LRRC7: variants seen among roughly 807,000 people sequenced by gnomAD.
LRRC7 encodes leucine-rich repeat-containing protein 7.
A neutral mutation model predicts 175.7 loss-of-function variants in LRRC7; 23 were observed. The observed-to-expected ratio is 0.13, with a 90% CI of 0.09 to 0.19. LRRC7 has a LOEUF of 0.19. Ranked by LOEUF, LRRC7 falls within the 10% of genes least tolerant of loss-of-function variation. The pLI is 1.00. For synonymous variants in LRRC7, 685 were observed against 680.9 expected (o/e 1.01, Z -0.09); for missense variants, 1,354 against 1,904.7 (o/e 0.71, Z 5.38).
chr1:69,981,793 A>G (rs1653458739), intron 9 of LRRC7, among the ~76,000 whole-genome samples: 1 of 152,220 alleles, frequency 6.6e-6, no homozygotes, highest in African/African-American at 2.4e-5. Context: ...CAATATATTT[A>G]TTTATTAAAA....
chr1:69,922,805 ATTTT>A (rs1646932521), intron 7 of LRRC7, among the ~76,000 whole-genome samples: 1 of 151,448 alleles, frequency 6.6e-6, no homozygotes, highest in Non-Finnish European at 1.5e-5. Flanking sequence ...AATTTTTTTA[ATTTT>A]TTTATTTTAT....
chr1:69,697,094 A>G lies in LRRC7; in HGVS notation c.100+18616A>G, dbSNP rs188644414. ...GCATCAAGATTCCATTCTCTATTTC[A>G]TGGCTATCTAATTTGTCTCATAAAA... On this transcript the variant is annotated intron_variant, in intron 2 of 26. Coordinates refer to ENST00000651989, the MANE Select transcript of LRRC7 (RefSeq NM_001370785.2). 8.5e-3 allele frequency among the ~76,000 whole-genome samples: 1,290 copies of G among 152,182 alleles called. 12 individuals are homozygous for G. Among genetic ancestry groups the G allele is most frequent in the Middle Eastern group, 0.014 (4 of 292 alleles).
chr1:69,847,278 T>C (rs1162296891), intron 7 of LRRC7, among the ~76,000 whole-genome samples: 2 of 152,136 alleles, frequency 1.3e-5, no homozygotes, highest in Non-Finnish European at 2.9e-5. Context: ...AAATGAATGT[T>C]CTGAAACATT....
chr1:69,759,621 A>G (rs1265752317), intron 2 of LRRC7, among the ~76,000 whole-genome samples: 2 of 152,056 alleles, frequency 1.3e-5, no homozygotes, highest in African/African-American at 4.8e-5. Context: ...CCATGAAAAC[A>G]GGGTCTTTGT....
intron 8 of LRRC7, among the ~76,000 whole-genome samples, chr1:69,967,153 TG>T (rs1421289868): frequency 6.6e-6 from 1 of 151,514 alleles, no homozygotes; most frequent in Non-Finnish European, 1.5e-5. Context: ...GCGTGGGAGG[TG>T]GGTGAGACCT....
intron 1 of LRRC7, among the ~76,000 whole-genome samples, chr1:69,652,455 T>TA (rs1230632894): frequency 6.6e-6 from 1 of 152,138 alleles, no homozygotes; most frequent in Non-Finnish European, 1.5e-5. Flanking sequence ...TAAATATTGA[T>TA]AAAATGAATT....
chr1:69,769,795 C>G (rs973118343), intron 3 of LRRC7, among the ~76,000 whole-genome samples: 19 of 152,052 alleles, frequency 1.2e-4, no homozygotes, highest in Admixed American at 5.2e-4. Flanking sequence ...ACAAATATAA[C>G]ACTAAAATAA....
At chr1:69,998,022 A>G (rs1655168745) in intron 11 of LRRC7, among the ~76,000 whole-genome samples, 1 of 152,116 alleles carries the variant, frequency 6.6e-6, no homozygotes, top group Non-Finnish European at 1.5e-5. Context: ...CTGTGAATCC[A>G]TCTGGTCCTG....
At position 69,831,236 on chromosome 1, in the gene LRRC7, A is replaced by T. The variant is rs1351177309; in HGVS notation, c.501-3544A>T. Among the ~76,000 whole-genome samples the T allele has an allele frequency of 2.0e-5, 3 of 152,134 alleles. No homozygotes were observed. In the East Asian group the frequency reaches 5.8e-4, roughly 29 times the overall value. ...GTCTAATTTTACATGTATCATATTG[A>T]TCATCTTTTTTGAAAAGTCATATGT... On this transcript the variant is annotated intron_variant, in intron 5 of 26. Coordinates refer to ENST00000651989, the MANE Select transcript of LRRC7 (RefSeq NM_001370785.2).
At chr1:69,931,138 T>G (rs566072738) in intron 7 of LRRC7, among the ~76,000 whole-genome samples, 1 of 152,314 alleles carries the variant, frequency 6.6e-6, no homozygotes, top group South Asian at 2.1e-4. Flanking sequence ...ATTATGAGAT[T>G]TTAGAATGGT....
chr1:69,754,313 T>C (rs1557685196), intron 2 of LRRC7, among the ~76,000 whole-genome samples: 1 of 152,062 alleles, frequency 6.6e-6, no homozygotes, highest in Non-Finnish European at 1.5e-5. Flanking sequence ...ATGATAATGG[T>C]TTGAACTAGG....
intron 7 of LRRC7, among the ~76,000 whole-genome samples, chr1:69,861,676 C>A (rs1207141229): frequency 1.3e-5 from 2 of 152,130 alleles, no homozygotes; most frequent in African/African-American, 4.8e-5. Context: ...TTAAGCTGGG[C>A]CATAGAAGTG....
chr1:69,738,176 G>A (rs943311686), intron 2 of LRRC7, among the ~76,000 whole-genome samples: 3 of 151,934 alleles, frequency 2.0e-5, no homozygotes, highest in African/African-American at 4.8e-5. Flanking sequence ...GCCATGTACC[G>A]AGTTCTAATA....
At chr1:70,082,344 T>C (rs944734925) in intron 24 of LRRC7, among the ~76,000 whole-genome samples, 2 of 152,238 alleles carry the variant, frequency 1.3e-5, no homozygotes, top group Non-Finnish European at 2.9e-5. Flanking sequence ...GGACATCCTG[T>C]GCCTTATCCT....
chr1:69,750,077 T>TA (rs1348763445), intron 2 of LRRC7, among the ~76,000 whole-genome samples: 1 of 110,252 alleles, frequency 9.1e-6, no homozygotes, highest in Admixed American at 9.8e-5. Context: ...AATAAATAAA[T>TA]AAATAAATAA....
chr1:69,817,842 C>T (rs1678780713), intron 4 of LRRC7, among the ~76,000 whole-genome samples: 1 of 151,930 alleles, frequency 6.6e-6, no homozygotes, highest in Non-Finnish European at 1.5e-5. Context: ...GATTTTTCAC[C>T]TCAGTTAAAT....
chr1:69,629,756 TAGAGG>T (rs1465377304), intron 1 of LRRC7, among the ~76,000 whole-genome samples: 1 of 152,158 alleles, frequency 6.6e-6, no homozygotes, highest in Non-Finnish European at 1.5e-5. Flanking sequence ...ATGTTAACTG[TAGAGG>T]AAAGTAAATA....
Position 69,709,943 on chromosome 1 carries a change from CT to C in LRRC7, c.100+31470del, listed in dbSNP as rs540546498. Reference sequence around the variant, plus strand: ...ATGTGTATGGATATATGAAGCAAGACTTTTTAAGTTTCATTTCTTATGATAA... The same window carrying C: ...ATGTGTATGGATATATGAAGCAAGACTTTTAAGTTTCATTTCTTATGATAA... On this transcript the variant is annotated intron_variant, in intron 2 of 26. Transcript: ENST00000651989. Among the ~76,000 whole-genome samples the C allele has an allele frequency of 5.3e-5, 8 of 152,050 alleles. No homozygotes were observed. In the South Asian group the frequency reaches 1.7e-3, roughly 32 times the overall value.
chr1:69,751,378 G>A (rs533531477), intron 2 of LRRC7, among the ~76,000 whole-genome samples: 1 of 151,964 alleles, frequency 6.6e-6, no homozygotes, highest in South Asian at 2.1e-4. Flanking sequence ...ATTTTCATTG[G>A]CATTACTACT....
Sources: allele counts gnomAD v4.1 joint callset (sites outside exome capture counted in the v4.1 genomes callset), GRCh38; gene constraint gnomAD v4.1.1; transcripts MANE v1.5; gene names NCBI Gene and HGNC (gene_info 2026-07-23, HGNC 2026-07-21).